SOAT1: variants seen among roughly 807,000 people sequenced by gnomAD.
SOAT1 encodes the protein sterol O-acyltransferase 1.
Under a neutral mutation model 69.5 loss-of-function variants are expected in SOAT1, and 55 were observed. That is an observed-to-expected ratio of 0.79 (90% CI 0.64 to 0.99). The LOEUF is 0.99. SOAT1 is among the 50% of genes least tolerant of loss of function. The pLI is 0.00. For missense variants in SOAT1, 580 were observed against 669.3 expected, an observed-to-expected ratio of 0.87 and a Z score of 1.47; for synonymous variants, 231 against 224.7, an observed-to-expected ratio of 1.03 and a Z score of -0.25.
chr1:179,329,046 CAAAAAA>C (rs3046366), intron 3 of SOAT1, among the ~76,000 whole-genome samples: 2 of 130,648 alleles, frequency 1.5e-5, no homozygotes, highest in East Asian at 2.2e-4. Context: ...ACTTTGTCTT[CAAAAAA>C]AAAAAAAAAA....
chr1:179,350,444 G>A lies in SOAT1; in HGVS notation c.1450+13G>A. The A allele has an allele frequency of 6.2e-7, 1 of 1,612,810 alleles. No individual in the cohort carries two copies. Among genetic ancestry groups the A allele is most frequent in the Non-Finnish European group, 8.5e-7 (1 of 1,179,636 alleles). ...ATGTTCTTTGGAAGTAAGTATCTTG[G>A]TATGCTGTGAGTACTGGGTACTATG... On this transcript the variant is annotated intron_variant, in intron 14 of 15. Transcript: ENST00000367619.
At chr1:179,330,908 T>C (rs925358665) in intron 3 of SOAT1, among the ~76,000 whole-genome samples, 1 of 152,242 alleles carries the variant, frequency 6.6e-6, no homozygotes, top group African/African-American at 2.4e-5. Flanking sequence ...TGTATCTCAT[T>C]GGCTACCTAG....
At chr1:179,325,905 G>C (rs1665772951) in intron 3 of SOAT1, among the ~76,000 whole-genome samples, 1 of 152,176 alleles carries the variant, frequency 6.6e-6, no homozygotes, top group African/African-American at 2.4e-5. Flanking sequence ...GGTCATTTAG[G>C]AGGATTAGAA....
intron 8 of SOAT1, 59 bp from the exon 9 acceptor site, chr1:179,342,803 G>A (rs1666385987): frequency 8.3e-7 from 1 of 1,206,926 alleles, no homozygotes; most frequent in Non-Finnish European, 1.2e-6. Context: ...ATTCCCCCCT[G>A]TATTTTTGCT....
intron 2 of SOAT1, among the ~76,000 whole-genome samples, chr1:179,307,792 CTTTT>C (rs374097712): frequency 2.8e-5 from 4 of 140,418 alleles, no homozygotes; most frequent in African/African-American, 5.2e-5. Context: ...AAGGTATTAT[CTTTT>C]TTTTTTTTTT....
intron 2 of SOAT1, among the ~76,000 whole-genome samples, chr1:179,314,192 C>T (rs970144976): frequency 1.3e-5 from 2 of 152,190 alleles, no homozygotes; most frequent in Non-Finnish European, 2.9e-5. Context: ...TCCCACAGCG[C>T]TCCTCTGTAT....
chr1:179,335,671 A>G lies in SOAT1; in HGVS notation c.329+14A>G. 6 of 1,603,408 alleles carry G rather than the reference A, an allele frequency of 3.7e-6. No individual in the cohort carries two copies. Among genetic ancestry groups the G allele is most frequent in the African/African-American group, 1.3e-5 (1 of 74,402 alleles). ...CCATAGAGCGAAGTAAGTATGTGCT[A>G]TTTTCTTTTAATGCAAACATCTACT... On this transcript the variant is annotated intron_variant, in intron 4 of 15. Transcript: ENST00000367619.
chr1:179,325,147 ATT>A (rs35938597), intron 3 of SOAT1, among the ~76,000 whole-genome samples: 10 of 96,828 alleles, frequency 1.0e-4, no homozygotes, highest in Non-Finnish European at 1.0e-4. Flanking sequence ...TTAGTGACTA[ATT>A]TTTTTTTTTT....
chr1:179,339,307 TGAGA>T, intron 5 of SOAT1, 127 bp from the exon 6 acceptor site: 1 of 506,408 alleles, frequency 2.0e-6, no homozygotes. Context: ...CATTCTTTTT[TGAGA>T]TGTTTTTGGA....
At chr1:179,321,729 A>C (rs542790822) in intron 2 of SOAT1, among the ~76,000 whole-genome samples, 41 of 152,166 alleles carry the variant, frequency 2.7e-4, no homozygotes, top group South Asian at 1.0e-3. Context: ...ATTCCCATTT[A>C]CTAGTACTCT....
chr1:179,324,285 T>C (rs1391394158), intron 3 of SOAT1, among the ~76,000 whole-genome samples: 1 of 152,208 alleles, frequency 6.6e-6, no homozygotes, highest in East Asian at 1.9e-4. Flanking sequence ...TCTTTGTTAT[T>C]ATCAGACCTA....
At chr1:179,340,182 T>C (rs551634437) in intron 6 of SOAT1, among the ~76,000 whole-genome samples, 14 of 152,322 alleles carry the variant, frequency 9.2e-5, no homozygotes, top group East Asian at 7.7e-4. Context: ...AAAAAGTTGA[T>C]ATTTCTTTTT....
chr1:179,334,566 G>C (rs940733684), intron 3 of SOAT1, among the ~76,000 whole-genome samples: 1 of 151,948 alleles, frequency 6.6e-6, no homozygotes, highest in South Asian at 2.1e-4. Context: ...ATTTTGTCTC[G>C]CATATGGATA....
intron 5 of SOAT1, among the ~76,000 whole-genome samples, chr1:179,339,083 TATC>T (rs529511441): frequency 1.5e-3 from 234 of 152,198 alleles, no homozygotes; most frequent in Non-Finnish European, 2.6e-3. Context: ...AGTAATTGGT[TATC>T]ATCATCATCA....
chr1:179,351,578 A>G (rs780772226), intron 15 of SOAT1, 116 bp downstream of exon 15: 43 of 937,798 alleles, frequency 4.6e-5, no homozygotes, highest in Non-Finnish European at 6.4e-5. Flanking sequence ...AGTGTTAAAG[A>G]GAGGGAAATG....
intron 3 of SOAT1, among the ~76,000 whole-genome samples, chr1:179,334,763 C>G (rs1008249691): frequency 1.3e-5 from 2 of 152,018 alleles, no homozygotes; most frequent in Non-Finnish European, 2.9e-5. Flanking sequence ...TGCCTGTAAT[C>G]CCAGCACTTT....
chr1:179,326,379 A>G (rs1403363327), intron 3 of SOAT1, among the ~76,000 whole-genome samples: 1 of 152,110 alleles, frequency 6.6e-6, no homozygotes, highest in Non-Finnish European at 1.5e-5. Flanking sequence ...CTTAGTTTAT[A>G]CCCCTACTAT....
chr1:179,333,607 G>A (rs925046084), intron 3 of SOAT1, among the ~76,000 whole-genome samples: 5 of 152,146 alleles, frequency 3.3e-5, no homozygotes, highest in African/African-American at 1.2e-4. Context: ...TTGGGAGGCC[G>A]AGGCGGGCGA....
intron 6 of SOAT1, among the ~76,000 whole-genome samples, chr1:179,339,867 T>G (rs1242850069): frequency 6.6e-6 from 1 of 152,216 alleles, no homozygotes; most frequent in East Asian, 1.9e-4. Flanking sequence ...ACACAGAATT[T>G]TTTCAATCAA....
Sources: gnomAD v4.1 joint callset for allele counts (sites outside exome capture counted in the v4.1 genomes callset) on GRCh38, gnomAD v4.1.1 for gene constraint, MANE v1.5 for transcripts, NCBI Gene and HGNC (gene_info 2026-07-23, HGNC 2026-07-21) for gene names.